The following CREB5 variants were observed in gnomAD, a reference collection of about 807,000 sequenced individuals.
The protein encoded by CREB5 is cAMP responsive element binding protein 5.
A neutral mutation model predicts 57.1 loss-of-function variants in CREB5; 19 were observed. The observed-to-expected ratio is 0.33, with a 90% CI of 0.23 to 0.49. The LOEUF is 0.49. Ranked by LOEUF, CREB5 falls within the 20% of genes least tolerant of loss-of-function variation. CREB5 has a pLI of 0.99. For missense variants in CREB5, 579 were observed against 671.6 expected (o/e 0.86, Z 1.52); for synonymous variants, 238 against 238.3 (o/e 1.00, Z 0.01).
At chr7:28,560,930 G>A (rs1210323690) in intron 4 of CREB5, among the ~76,000 whole-genome samples, 2 of 49,020 alleles carry the variant, frequency 4.1e-5, no homozygotes, top group African/African-American at 1.2e-4. Flanking sequence ...GTGCGCGTGC[G>A]TGTGTGCGTG....
chr7:28,802,717 G>C (rs777637596), intron 7 of CREB5, among the ~76,000 whole-genome samples: 1 of 152,250 alleles, frequency 6.6e-6, no homozygotes, highest in Non-Finnish European at 1.5e-5. Flanking sequence ...CAATTTTGAA[G>C]AAACTGGGAC....
intron 7 of CREB5, among the ~76,000 whole-genome samples, chr7:28,759,497 G>A (rs1010774974): frequency 6.6e-6 from 1 of 152,186 alleles, no homozygotes; most frequent in Non-Finnish European, 1.5e-5. Context: ...GATATGTGCA[G>A]TCTACCAGAA....
In CREB5 at chr7:28,550,439, G is replaced by A. The variant is rs536757670; in HGVS notation, c.292-19926G>A. 7.5e-4 allele frequency among the ~76,000 whole-genome samples: 114 copies of A among 152,298 alleles called. 1 individual carries two copies. In the Middle Eastern group the frequency reaches 0.017, roughly 23 times the overall value. On this transcript the variant is annotated intron_variant, in intron 4 of 10. Coordinates refer to ENST00000357727, the MANE Select transcript of CREB5 (RefSeq NM_182898.4). ...GGAGCAATGCCTGGTTGTGGAGGGG[G>A]CTGAAAGAGAAGTTGGACTCAAAAT... is the stretch of plus-strand genomic sequence containing the variant.
intron 7 of CREB5, among the ~76,000 whole-genome samples, chr7:28,780,310 A>G (rs1806899458): frequency 6.6e-6 from 1 of 152,216 alleles, no homozygotes; most frequent in Non-Finnish European, 1.5e-5. Flanking sequence ...GCCAGAGTCA[A>G]TGTACTCTGC....
intron 5 of CREB5, among the ~76,000 whole-genome samples, chr7:28,693,971 A>G (rs1801406897): frequency 6.6e-6 from 1 of 152,236 alleles, no homozygotes. Context: ...AGAGAATCAT[A>G]CTTCTGGCTG....
intron 1 of CREB5, among the ~76,000 whole-genome samples, chr7:28,439,639 C>G (rs914015646): frequency 6.6e-6 from 1 of 152,114 alleles, no homozygotes; most frequent in African/African-American, 2.4e-5. Context: ...AGGATTTGAA[C>G]CTGTGCAGTC....
In CREB5 at chr7:28,804,426, C is replaced by T. The variant is rs1220878125; in HGVS notation, c.930C>T (p.Asn310=). ...ACCCTCAACCCCATCACCAGCAGAACCATCCACATCACCACTCCCATTCCC... is the reference window on the plus strand; with the variant it reads ...ACCCTCAACCCCATCACCAGCAGAATCATCCACATCACCACTCCCATTCCC... ...HPHPQPHHQQ[N]HPHHHSHSHL... Residue 310 remains asparagine, a synonymous_variant, in exon 8 of 11, where the codon AAC becomes AAT. Transcript: ENST00000357727. 2 of 1,613,710 alleles carry T rather than the reference C, an allele frequency of 1.2e-6. No individual in the cohort carries two copies. The highest frequency in any genetic ancestry group is 1.7e-6 in the Non-Finnish European group (2 of 1,180,002).
intron 1 of CREB5, among the ~76,000 whole-genome samples, chr7:28,415,748 T>C (rs1478730130): frequency 6.6e-6 from 1 of 152,218 alleles, no homozygotes; most frequent in Non-Finnish European, 1.5e-5. Context: ...CTTTCTCTAC[T>C]ACCTGTCTTT....
At chr7:28,802,317 TTTTA>T (rs1808420540) in intron 7 of CREB5, among the ~76,000 whole-genome samples, 2 of 152,142 alleles carry the variant, frequency 1.3e-5, no homozygotes, top group Non-Finnish European at 2.9e-5. Context: ...TCCTCTTGTT[TTTTA>T]TTTATTTTTT....
At chr7:28,818,913 G>A (rs1185340291) in intron 10 of CREB5, 27 of 610,510 alleles carry the variant, frequency 4.4e-5, no homozygotes, top group Middle Eastern at 2.6e-4. Context: ...GGCTTTGCTC[G>A]TAGATATAAA....
chr7:28,640,577 G>A (rs889485302), intron 5 of CREB5, among the ~76,000 whole-genome samples: 8 of 152,050 alleles, frequency 5.3e-5, no homozygotes, highest in Non-Finnish European at 1.0e-4. Flanking sequence ...ATATTTTATG[G>A]CGATCACAAG....
chr7:28,313,715 G>GGAC (rs1247434350), intron 1 of CREB5, among the ~76,000 whole-genome samples: 1 of 152,158 alleles, frequency 6.6e-6, no homozygotes, highest in Non-Finnish European at 1.5e-5. Context: ...TTCTAGTGAT[G>GGAC]GACAACTCAA....
chr7:28,413,204 G>C (rs1787877034), intron 1 of CREB5, among the ~76,000 whole-genome samples: 1 of 151,714 alleles, frequency 6.6e-6, no homozygotes, highest in Non-Finnish European at 1.5e-5. Flanking sequence ...AGCATGTTAA[G>C]TAATGTGTCA....
intron 7 of CREB5, among the ~76,000 whole-genome samples, chr7:28,725,609 G>C (rs1387682498): frequency 7.0e-6 from 1 of 143,086 alleles, no homozygotes; most frequent in Non-Finnish European, 1.5e-5. Flanking sequence ...ACTGGCAACT[G>C]TTTTGGAGAC....
intron 1 of CREB5, among the ~76,000 whole-genome samples, chr7:28,402,145 C>T (rs1787479645): frequency 1.3e-5 from 2 of 152,150 alleles, no homozygotes; most frequent in African/African-American, 4.8e-5. Context: ...TTTTGATTTG[C>T]ATTTCTCTGA....
chr7:28,460,913 G>T (rs72602052), intron 1 of CREB5, among the ~76,000 whole-genome samples: 13,423 of 146,062 alleles, frequency 0.092, 976 homozygotes, highest in East Asian at 0.43. Flanking sequence ...TGGATCTTAT[G>T]GGGGGGCATA....
At chr7:28,627,725 C>T (rs184475057) in intron 5 of CREB5, among the ~76,000 whole-genome samples, 25 of 152,222 alleles carry the variant, frequency 1.6e-4, no homozygotes, top group African/African-American at 5.5e-4. Context: ...CCCTCTACCC[C>T]GCACCCCTGG....
intron 4 of CREB5, among the ~76,000 whole-genome samples, chr7:28,548,005 T>C (rs1002292600): frequency 1.3e-5 from 2 of 152,204 alleles, no homozygotes; most frequent in African/African-American, 4.8e-5. Flanking sequence ...GTCTTTTGCA[T>C]CCCATTCTTT....
intron 1 of CREB5, among the ~76,000 whole-genome samples, chr7:28,459,115 G>A (rs145144639): frequency 2.6e-5 from 4 of 152,128 alleles, no homozygotes; most frequent in African/African-American, 7.2e-5. Context: ...ATCCACTAAC[G>A]CCCCAGTGAA....
Sources: gnomAD v4.1 joint callset for allele counts (sites outside exome capture counted in the v4.1 genomes callset) on GRCh38, gnomAD v4.1.1 for gene constraint, MANE v1.5 for transcripts, NCBI Gene and HGNC (gene_info 2026-07-23, HGNC 2026-07-21) for gene names.